The following CATSPERD variants were observed in gnomAD, a reference collection of about 807,000 sequenced individuals.
CATSPERD encodes cation channel sperm-associated auxiliary subunit delta.
In CATSPERD, 86 loss-of-function variants were observed where a neutral mutation model predicts 98.1. The observed-to-expected ratio is 0.88, with a 90% CI of 0.74 to 1.05. The LOEUF (loss-of-function observed/expected upper bound fraction) is 1.05, where lower values mean the gene tolerates loss of function less well. Among genes scored for constraint, CATSPERD ranks in the 50% least tolerant of loss-of-function variants. The pLI, the probability that CATSPERD is intolerant of heterozygous loss-of-function variation, is 0.00. For missense variants in CATSPERD, 995 were observed against 1,005.7 expected, an observed-to-expected ratio of 0.99 and a Z score of 0.14; for synonymous variants, 394 against 390.2, an observed-to-expected ratio of 1.01 and a Z score of -0.12.
chr19:5,733,978 C>T lies in CATSPERD; in HGVS notation c.391+8C>T, dbSNP rs368519253. 1.3e-6 allele frequency: 2 copies of T among 1,538,284 alleles called. No individual in the cohort carries two copies. The highest frequency in any genetic ancestry group is 1.9e-5 in the Admixed American group (1 of 54,032). On this transcript the variant is annotated splice_region_variant and intron_variant, in intron 5 of 21. Transcript: ENST00000381624. ...CTTGGAGCATGTCTTTAGGTATGTA[C>T]ATTTTGTATTTTTAAATTTTGTTTG...
intron 18 of CATSPERD, among the ~76,000 whole-genome samples, chr19:5,768,911 A>T (rs909762235): frequency 2.0e-5 from 3 of 151,994 alleles, no homozygotes; most frequent in African/African-American, 7.2e-5. Flanking sequence ...CACGCCTGTA[A>T]TCCCTGCCGA....
At position 5,737,124 on chromosome 19, in the gene CATSPERD, T is replaced by C. The variant is rs375092376; in HGVS notation, c.392-14T>C. 196 of 1,555,628 alleles carry C rather than the reference T, an allele frequency of 1.3e-4. No individual in the cohort carries two copies. In the African/African-American group the frequency reaches 2.3e-3, roughly 18 times the overall value. ...GGAACTCATAAACATTTCAAAATTATATTTTCCTTTCAGGTATAAAACACC... is the reference window on the plus strand; with the variant it reads ...GGAACTCATAAACATTTCAAAATTACATTTTCCTTTCAGGTATAAAACACC... On this transcript the variant is annotated splice_polypyrimidine_tract_variant and intron_variant, in intron 5 of 21. Transcript: ENST00000381624.
chr19:5,759,566 CAAAA>C (rs35459854), intron 15 of CATSPERD, among the ~76,000 whole-genome samples: 5 of 84,024 alleles, frequency 6.0e-5, no homozygotes, highest in Admixed American at 1.4e-4. Context: ...ACTCCAGCTC[CAAAA>C]AAAAAAAAAA....
At chr19:5,728,651 G>A (rs2055656104) in intron 3 of CATSPERD, among the ~76,000 whole-genome samples, 1 of 151,572 alleles carries the variant, frequency 6.6e-6, no homozygotes, top group Non-Finnish European at 1.5e-5. Context: ...TTGAGCCCAG[G>A]AGTTGAAAAC....
At position 5,727,188 on chromosome 19, in the gene CATSPERD, CTT is replaced by C. The variant is rs992262323; in HGVS notation, c.127-79_127-78del. The C allele has an allele frequency of 3.6e-6, 4 of 1,115,510 alleles. No individual in the cohort carries two copies. The African/African-American group carries it at 4.7e-5, about 13-fold the overall frequency. 69.1% of individuals were successfully genotyped at this position (1,115,510 alleles called of 1,614,324 possible). A position where few individuals can be genotyped will look rare whatever the true frequency, so the allele number is the denominator to read the frequency against. The stretch of plus-strand genomic sequence containing the variant: ...CCAGCCTGGGCAACAGAGCGAGACT[CTT>C]GTCTCAAAAAAAAAAATTATTTCTA... On this transcript the variant is annotated intron_variant, in intron 2 of 21. Coordinates refer to ENST00000381624, the MANE Select transcript of CATSPERD (RefSeq NM_152784.4).
chr19:5,777,176 C>T (rs2056753983), intron 21 of CATSPERD, among the ~76,000 whole-genome samples: 1 of 152,076 alleles, frequency 6.6e-6, no homozygotes. Context: ...CACCTGTCCT[C>T]TCCAGTAGGA....
intron 8 of CATSPERD, 92 bp downstream of exon 8, chr19:5,744,602 T>C: frequency 2.3e-6 from 2 of 857,050 alleles, no homozygotes; most frequent in South Asian, 1.8e-5. Context: ...CATTTATTTA[T>C]TTATTTAATT....
chr19:5,736,347 C>T (rs1212545920), intron 5 of CATSPERD, among the ~76,000 whole-genome samples: 1 of 152,186 alleles, frequency 6.6e-6, no homozygotes, highest in Non-Finnish European at 1.5e-5. Context: ...TCCTACAATG[C>T]ATAGGAAACT....
intron 7 of CATSPERD, 25 bp downstream of exon 7, chr19:5,739,464 G>T: frequency 8.0e-7 from 1 of 1,242,330 alleles, no homozygotes; most frequent in South Asian, 1.3e-5. Flanking sequence ...GTAAGAATGT[G>T]AAAATAAATA....
intron 3 of CATSPERD, among the ~76,000 whole-genome samples, chr19:5,727,882 T>C (rs992466643): frequency 4.6e-5 from 7 of 151,740 alleles, no homozygotes; most frequent in African/African-American, 1.7e-4. Context: ...AAGACATCAG[T>C]CTGGCAGCAT....
intron 20 of CATSPERD, chr19:5,775,102 A>G (rs971492311): frequency 1.4e-5 from 5 of 361,266 alleles, no homozygotes; most frequent in African/African-American, 1.1e-4. Context: ...GAAGGCCTGA[A>G]AGCAGGCATG....
chr19:5,736,667 C>T (rs2055852512), intron 5 of CATSPERD, among the ~76,000 whole-genome samples: 1 of 151,558 alleles, frequency 6.6e-6, no homozygotes, highest in Non-Finnish European at 1.5e-5. Flanking sequence ...TGAGCCACCA[C>T]TGCACTCTAG....
At chr19:5,731,520 T>C (rs902364084) in intron 4 of CATSPERD, among the ~76,000 whole-genome samples, 19 of 146,662 alleles carry the variant, frequency 1.3e-4, no homozygotes, top group African/African-American at 4.5e-4. Flanking sequence ...TTGTCAATTA[T>C]CGAAAATACC....
At chr19:5,724,721 T>C (rs2055570474) in intron 1 of CATSPERD, 87 bp from the exon 2 acceptor site, 1 of 1,343,144 alleles carries the variant, frequency 7.4e-7, no homozygotes, top group South Asian at 1.2e-5. Flanking sequence ...ACAGATACTT[T>C]AGGGTTAACC....
At chr19:5,730,240 T>A (rs2055687540) in intron 4 of CATSPERD, among the ~76,000 whole-genome samples, 1 of 152,182 alleles carries the variant, frequency 6.6e-6, no homozygotes, top group Non-Finnish European at 1.5e-5. Flanking sequence ...TTACTTTATA[T>A]GCAGTAATTT....
At chr19:5,741,031 G>A (rs1279814473) in intron 7 of CATSPERD, among the ~76,000 whole-genome samples, 1 of 138,248 alleles carries the variant, frequency 7.2e-6, no homozygotes, top group African/African-American at 2.7e-5. Context: ...GTTGCAGTGA[G>A]CTGAGACAAC....
At chr19:5,762,068 T>A (rs1452787051) in intron 15 of CATSPERD, among the ~76,000 whole-genome samples, 1 of 30,332 alleles carries the variant, frequency 3.3e-5, no homozygotes, top group African/African-American at 7.6e-5. Flanking sequence ...ATTTTTTTTT[T>A]TTTTTTTTTT....
intron 11 of CATSPERD, among the ~76,000 whole-genome samples, chr19:5,750,558 T>C (rs1451676912): frequency 3.4e-5 from 5 of 146,366 alleles, no homozygotes; most frequent in African/African-American, 1.3e-4. Flanking sequence ...ATGGGCAACA[T>C]AGTGAGACCC....
intron 10 of CATSPERD, among the ~76,000 whole-genome samples, 165 bp from the exon 11 acceptor site, chr19:5,748,936 G>C (rs1053079056): frequency 6.6e-6 from 1 of 151,364 alleles, no homozygotes; most frequent in African/African-American, 2.4e-5. Flanking sequence ...CACCATGTTG[G>C]CCAGGCTGGT....
Sources: allele counts gnomAD v4.1 joint callset (sites outside exome capture counted in the v4.1 genomes callset), GRCh38; gene constraint gnomAD v4.1.1; transcripts MANE v1.5; gene names NCBI Gene and HGNC (gene_info 2026-07-23, HGNC 2026-07-21).